Variants in CDH13 observed in about 807,000 individuals in gnomAD.
CDH13 encodes cadherin 13.
CDH13 carries 24 observed loss-of-function variants against 63.8 expected under a neutral mutation model. The observed-to-expected ratio is 0.38, with a 90% CI of 0.27 to 0.53. The LOEUF is 0.53. Ranked by LOEUF, CDH13 falls within the 20% of genes least tolerant of loss-of-function variation. CDH13 has a pLI of 0.85. For missense variants in CDH13, 1,049 were observed against 903.1 expected, an observed-to-expected ratio of 1.16 and a Z score of -2.07; for synonymous variants, 503 against 355.3, an observed-to-expected ratio of 1.42 and a Z score of -4.67.
At chr16:82,916,978 C>T (rs187042103) in intron 2 of CDH13, among the ~76,000 whole-genome samples, 7 of 152,236 alleles carry the variant, frequency 4.6e-5, no homozygotes, top group South Asian at 4.1e-4. Context: ...AGGATATTCC[C>T]GCATCCACAC....
At chr16:82,805,001 C>G (rs1281163906) in intron 1 of CDH13, among the ~76,000 whole-genome samples, 1 of 152,108 alleles carries the variant, frequency 6.6e-6, no homozygotes, top group East Asian at 1.9e-4. Context: ...CTCTTTGTAT[C>G]CATCTTTCCT....
chr16:83,359,610 G>T (rs559687234), intron 6 of CDH13, among the ~76,000 whole-genome samples: 1 of 152,246 alleles, frequency 6.6e-6, no homozygotes, highest in African/African-American at 2.4e-5. Flanking sequence ...GCAGCACTTT[G>T]TACGAGTTTG....
intron 4 of CDH13, among the ~76,000 whole-genome samples, chr16:83,197,845 G>C (rs1432801582): frequency 1.3e-5 from 2 of 149,040 alleles, no homozygotes; most frequent in Non-Finnish European, 3.0e-5. Context: ...CACACACAAA[G>C]TATAAGTAAA....
At chr16:83,622,963 A>G (rs1909949498) in intron 8 of CDH13, among the ~76,000 whole-genome samples, 2 of 152,214 alleles carry the variant, frequency 1.3e-5, no homozygotes, top group Admixed American at 1.3e-4. Flanking sequence ...TAAAAATAGT[A>G]CAAGGGTGAA....
At chr16:83,757,079 C>A (rs1031477603) in intron 11 of CDH13, among the ~76,000 whole-genome samples, 1 of 152,174 alleles carries the variant, frequency 6.6e-6, no homozygotes, top group Non-Finnish European at 1.5e-5. Context: ...AGTATATCCT[C>A]CAATCACAAT....
At chr16:83,591,143 T>G (rs1369319389) in intron 7 of CDH13, among the ~76,000 whole-genome samples, 2 of 151,868 alleles carry the variant, frequency 1.3e-5, no homozygotes, top group East Asian at 3.9e-4. Flanking sequence ...ACTCCTGACT[T>G]CATGATCCAC....
At chr16:82,703,985 G>C (rs566150086) in intron 1 of CDH13, among the ~76,000 whole-genome samples, 1 of 152,220 alleles carries the variant, frequency 6.6e-6, no homozygotes, top group South Asian at 2.1e-4. Flanking sequence ...TGTTTTCAAG[G>C]CTTCGGTTTT....
intron 4 of CDH13, among the ~76,000 whole-genome samples, chr16:83,167,018 A>T (rs571287621): frequency 6.6e-6 from 1 of 152,188 alleles, no homozygotes; most frequent in South Asian, 2.1e-4. Flanking sequence ...ACTTTTTGAG[A>T]AGTTGCAAGT....
chr16:82,709,155 G>A (rs541871434), intron 1 of CDH13, among the ~76,000 whole-genome samples: 1 of 152,300 alleles, frequency 6.6e-6, no homozygotes, highest in African/African-American at 2.4e-5. Flanking sequence ...TTCCACGAAT[G>A]AAGATGAGTC....
intron 4 of CDH13, among the ~76,000 whole-genome samples, chr16:83,213,967 ACCAATCAGCACTCTGTAAAGTGGG>A (rs2039416696): frequency 6.6e-6 from 1 of 152,064 alleles, no homozygotes; most frequent in Non-Finnish European, 1.5e-5. Context: ...TGTAAAATGG[ACCAATCAGCACTCTGTAAAGTGGG>A]CCAATCAGCA....
At chr16:82,874,758 C>T (rs1048922159) in intron 2 of CDH13, among the ~76,000 whole-genome samples, 1 of 151,998 alleles carries the variant, frequency 6.6e-6, no homozygotes, top group Non-Finnish European at 1.5e-5. Flanking sequence ...TGCATTTTTC[C>T]ATGGAAGGAA....
chr16:83,391,352 C>A (rs1040305008), intron 6 of CDH13, among the ~76,000 whole-genome samples: 3 of 151,890 alleles, frequency 2.0e-5, no homozygotes, highest in African/African-American at 7.3e-5. Context: ...ATTACAGGTG[C>A]CTACCACCAC....
chr16:83,217,066 G>T (rs74031492), intron 4 of CDH13, among the ~76,000 whole-genome samples: 1,632 of 152,188 alleles, frequency 0.011, 34 homozygotes, highest in African/African-American at 0.037. Context: ...GTCCAACTTT[G>T]ACTGAACTGG....
At chr16:82,871,656 AC>A (rs2040345501) in intron 2 of CDH13, among the ~76,000 whole-genome samples, 2 of 92,066 alleles carry the variant, frequency 2.2e-5, no homozygotes, top group Non-Finnish European at 6.8e-5. Context: ...CAACAGTAAC[AC>A]AACTCCAACT....
intron 7 of CDH13, among the ~76,000 whole-genome samples, chr16:83,547,419 T>C (rs991663408): frequency 6.6e-6 from 1 of 152,182 alleles, no homozygotes; most frequent in Non-Finnish European, 1.5e-5. Context: ...GTACTAAGTA[T>C]CCAATAGTTG....
intron 3 of CDH13, among the ~76,000 whole-genome samples, chr16:83,069,472 C>G (rs74370331): frequency 1.3e-5 from 2 of 152,200 alleles, no homozygotes; most frequent in Non-Finnish European, 2.9e-5. Context: ...ACAGCCCCCC[C>G]TAAGGTAGAA....
intron 2 of CDH13, among the ~76,000 whole-genome samples, chr16:82,945,532 A>G (rs555842544): frequency 6.4e-4 from 98 of 152,320 alleles, no homozygotes; most frequent in African/African-American, 2.3e-3. Context: ...CAATAATAAC[A>G]AAATATCTTC....
At chr16:82,730,978 C>G (rs1014651025) in intron 1 of CDH13, among the ~76,000 whole-genome samples, 2 of 152,294 alleles carry the variant, frequency 1.3e-5, no homozygotes, top group Non-Finnish European at 2.9e-5. Context: ...CTACATTTTA[C>G]TATTTTCTAT....
intron 8 of CDH13, among the ~76,000 whole-genome samples, chr16:83,659,207 C>A (rs1686942107): frequency 6.8e-6 from 1 of 147,818 alleles, no homozygotes; most frequent in Non-Finnish European, 1.5e-5. Flanking sequence ...ATCCTCACCA[C>A]CAGGTCCCAT....
Sources: allele counts gnomAD v4.1 joint callset (sites outside exome capture counted in the v4.1 genomes callset), GRCh38; gene constraint gnomAD v4.1.1; transcripts MANE v1.5; gene names NCBI Gene and HGNC (gene_info 2026-07-23, HGNC 2026-07-21).